RSF1: variants seen among roughly 807,000 people sequenced by gnomAD.
RSF1 encodes remodeling and spacing factor 1, also known as HBV pX-associated protein 8.
In RSF1, 13 loss-of-function variants were observed where a neutral mutation model predicts 145.2. The ratio of observed to expected loss-of-function variants is 0.09; its 90% CI spans 0.06 to 0.14. The LOEUF is 0.14. RSF1 is among the 10% of genes least tolerant of loss of function. The probability of loss-of-function intolerance (pLI) is 1.00; values close to 1 mark genes in which losing one functional copy is unlikely to be tolerated. For synonymous variants in RSF1, 577 were observed against 592.6 expected (o/e 0.97, Z 0.38); for missense variants, 1,517 against 1,718.2 (o/e 0.88, Z 2.07).
chr11:77,855,838 C>T, the RSF1 span, among the ~76,000 whole-genome samples: 1 of 150,250 alleles, frequency 6.7e-6, no homozygotes, highest in Non-Finnish European at 1.5e-5. Context: ...AGTGGCTCAT[C>T]CCTGTAATCC....
intron 5 of RSF1, among the ~76,000 whole-genome samples, chr11:77,710,743 C>G (rs190112130): frequency 6.6e-6 from 1 of 152,238 alleles, no homozygotes; most frequent in Admixed American, 6.5e-5. Context: ...CTGACATTCC[C>G]ATTCTATCAT....
At chr11:77,795,062 G>A (rs575048367) in intron 1 of RSF1, among the ~76,000 whole-genome samples, 2 of 151,558 alleles carry the variant, frequency 1.3e-5, no homozygotes, top group Non-Finnish European at 2.9e-5. Flanking sequence ...ACGCAAGAGC[G>A]AAAAAGGAAT....
rs1959687156 is a variant in RSF1, at chr11:77,675,845, G to A, written c.3342-589C>T. 1.3e-5 allele frequency among the ~76,000 whole-genome samples: 2 copies of A among 152,176 alleles called. 1 individual carries two copies. The highest frequency in any genetic ancestry group is 2.9e-5 in the Non-Finnish European group (2 of 68,034). ...AATGAATGCCAGGATGAATCTTTCTGAAGCATAAATCTCATATTAATTTAG... is the reference window on the plus strand; with the variant it reads ...AATGAATGCCAGGATGAATCTTTCTAAAGCATAAATCTCATATTAATTTAG... On this transcript the variant is annotated intron_variant, in intron 13 of 15. Coordinates refer to ENST00000308488, the MANE Select transcript of RSF1 (RefSeq NM_016578.4).
At chr11:77,811,676 A>T (rs1565188290) in intron 1 of RSF1, among the ~76,000 whole-genome samples, 3 of 152,190 alleles carry the variant, frequency 2.0e-5, no homozygotes, top group Non-Finnish European at 2.9e-5. Flanking sequence ...ATCTTCAGAG[A>T]TGTAAAAGCA....
At chr11:77,862,992 G>C in the RSF1 span, among the ~76,000 whole-genome samples, 1 of 152,078 alleles carries the variant, frequency 6.6e-6, no homozygotes, top group Non-Finnish European at 1.5e-5. Flanking sequence ...AATGTTACCG[G>C]GGGGTCCTTG....
intron 7 of RSF1, among the ~76,000 whole-genome samples, chr11:77,694,089 A>T (rs1408109532): frequency 1.3e-5 from 2 of 152,126 alleles, no homozygotes; most frequent in African/African-American, 4.8e-5. Context: ...AGCCCATGCT[A>T]ATTTTTAAAA....
At chr11:77,872,165 A>G in the RSF1 span, 1 of 1,609,458 alleles carries the variant, frequency 6.2e-7, no homozygotes, top group Non-Finnish European at 8.5e-7. Context: ...TCTCTTTTCC[A>G]CCTTCCCAGG....
chr11:77,829,121 A>G, the RSF1 span, among the ~76,000 whole-genome samples: 1 of 152,218 alleles, frequency 6.6e-6, no homozygotes, highest in Admixed American at 6.5e-5. Context: ...CTAAAGTTAA[A>G]CAATGTCATG....
rs190462279 is a variant in RSF1, at chr11:77,747,156, C to T, written c.280-28G>A. On this transcript the variant is annotated intron_variant, in intron 2 of 15. Transcript: ENST00000308488. ...GTCAGATAAAGTTAATATCTTAATA[C>T]ATGAAAGCAATTTTTATTTATGTTT... The T allele has an allele frequency of 3.6e-6, 5 of 1,371,566 alleles. No homozygotes were observed. The African/African-American group carries it at 4.3e-5, about 12-fold the overall frequency. The allele number at this position is 1,371,566 out of a possible 1,614,324, so 85.0% of individuals were successfully genotyped here.
chr11:77,695,864 T>C (rs1960265901), intron 7 of RSF1, among the ~76,000 whole-genome samples: 1 of 152,232 alleles, frequency 6.6e-6, no homozygotes, highest in Non-Finnish European at 1.5e-5. Flanking sequence ...ATGGAGTTCA[T>C]GCTAGTATCT....
At chr11:77,867,798 T>C in the RSF1 span, among the ~76,000 whole-genome samples, 1 of 152,168 alleles carries the variant, frequency 6.6e-6, no homozygotes, top group African/African-American at 2.4e-5. Flanking sequence ...ACACATCACC[T>C]TAAATGTGCC....
At chr11:77,753,151 TAA>T in intron 2 of RSF1, among the ~76,000 whole-genome samples, 1 of 152,280 alleles carries the variant, frequency 6.6e-6, no homozygotes, top group Non-Finnish European at 1.5e-5. Flanking sequence ...TATTTCTTAA[TAA>T]ACTTGCTTTC....
the RSF1 span, among the ~76,000 whole-genome samples, chr11:77,865,301 T>G: frequency 6.6e-6 from 1 of 152,220 alleles, no homozygotes; most frequent in South Asian, 2.1e-4. Context: ...TCATAAATTA[T>G]TGTGGCCAGT....
rs1960403194 is a variant in RSF1, at chr11:77,700,883, A to G, written c.2346T>C (p.Ser782=). Residue 782 remains serine (S), a synonymous_variant, in exon 6 of 16, where the codon TCT becomes TCC. Transcript: ENST00000308488. ...GRTLRRSPRI[S]RPTAKVAEIR... ...TCTCAGCCACTTTTGCAGTGGGTCT[A>G]GATATTCTTGGAGATCTTCTTAAAG... 1 of 1,613,670 alleles carries G rather than the reference A, an allele frequency of 6.2e-7. No individual in the cohort carries two copies. The highest frequency in any genetic ancestry group is 8.5e-7 in the Non-Finnish European group (1 of 1,179,974).
intron 4 of RSF1, among the ~76,000 whole-genome samples, chr11:77,728,059 C>T (rs1961101315): frequency 6.6e-6 from 1 of 152,196 alleles, no homozygotes; most frequent in Non-Finnish European, 1.5e-5. Context: ...TGGACCCTAA[C>T]AACAATCCAG....
chr11:77,861,209 T>C, the RSF1 span, among the ~76,000 whole-genome samples: 9 of 152,134 alleles, frequency 5.9e-5, no homozygotes, highest in African/African-American at 2.2e-4. Context: ...TTCAGGTGTA[T>C]AATGGCCCCT....
chr11:77,688,293 G>A (rs969343790), intron 9 of RSF1, among the ~76,000 whole-genome samples: 10 of 152,116 alleles, frequency 6.6e-5, no homozygotes, highest in Admixed American at 2.0e-4. Context: ...GCAAGACTCT[G>A]TCTCAAAACA....
chr11:77,740,238 G>C (rs1961475236), intron 4 of RSF1, among the ~76,000 whole-genome samples: 1 of 152,238 alleles, frequency 6.6e-6, no homozygotes, highest in Admixed American at 6.5e-5. Flanking sequence ...AGCTGGGCAT[G>C]GTGGCACACG....
chr11:77,750,895 C>G (rs957893727), intron 2 of RSF1, among the ~76,000 whole-genome samples: 1 of 152,092 alleles, frequency 6.6e-6, no homozygotes. Context: ...CTATTGCGTT[C>G]TCCTGCTTGG....
Sources: gnomAD v4.1 joint callset for allele counts (sites outside exome capture counted in the v4.1 genomes callset) on GRCh38, gnomAD v4.1.1 for gene constraint, MANE v1.5 for transcripts, NCBI Gene and HGNC (gene_info 2026-07-23, HGNC 2026-07-21) for gene names.